Variants in SAXO1 observed in about 807,000 individuals in gnomAD.
SAXO1 encodes stabilizer of axonemal microtubules 1.
In SAXO1, 21 loss-of-function variants were observed where a neutral mutation model predicts 17.5. That is an observed-to-expected ratio of 1.20 (90% CI 0.85 to 1.72). SAXO1 has a LOEUF of 1.72. SAXO1 is among the 40% of genes most tolerant of loss of function. The pLI, the probability that SAXO1 is intolerant of heterozygous loss-of-function variation, is 0.00. For synonymous variants in SAXO1, 274 were observed against 216.5 expected (o/e 1.27, Z -2.33); for missense variants, 843 against 596.0 (o/e 1.41, Z -4.32).
At chr9:19,043,175 A>C (rs1836118930) in intron 1 of SAXO1, among the ~76,000 whole-genome samples, 1 of 152,112 alleles carries the variant, frequency 6.6e-6, no homozygotes, top group Non-Finnish European at 1.5e-5. Flanking sequence ...CTGTCCCCCC[A>C]AAAAAGAAAA....
chr9:18,982,578 C>T (rs1588476992), intron 1 of SAXO1, among the ~76,000 whole-genome samples: 1 of 152,200 alleles, frequency 6.6e-6, no homozygotes, highest in Non-Finnish European at 1.5e-5. Context: ...TCTGAGCAAA[C>T]CTTTCCTTCT....
At chr9:18,937,579 C>T (rs956775193) in intron 3 of SAXO1, among the ~76,000 whole-genome samples, 1 of 152,120 alleles carries the variant, frequency 6.6e-6, no homozygotes, top group African/African-American at 2.4e-5. Context: ...ATCCCCAATA[C>T]GGTGGTATTG....
intron 3 of SAXO1, among the ~76,000 whole-genome samples, chr9:18,929,528 G>T (rs796457290): frequency 7.9e-5 from 12 of 152,328 alleles, no homozygotes; most frequent in African/African-American, 2.6e-4. Flanking sequence ...GTCGTCTGTG[G>T]AGTGACAGCC....
At chr9:18,971,978 C>T (rs1006011855) in intron 1 of SAXO1, among the ~76,000 whole-genome samples, 19 of 152,162 alleles carry the variant, frequency 1.2e-4, no homozygotes, top group African/African-American at 4.3e-4. Context: ...TGTTACTTGA[C>T]AAAACAAGAA....
intron 1 of SAXO1, among the ~76,000 whole-genome samples, chr9:18,983,449 T>TG (rs772990836): frequency 6.6e-6 from 1 of 152,190 alleles, no homozygotes; most frequent in Non-Finnish European, 1.5e-5. Flanking sequence ...GAGATTTAGG[T>TG]GGGGACACAG....
At chr9:18,978,654 T>C (rs1441484491) in intron 1 of SAXO1, among the ~76,000 whole-genome samples, 2 of 152,252 alleles carry the variant, frequency 1.3e-5, no homozygotes, top group African/African-American at 4.8e-5. Flanking sequence ...TAATTGCCCG[T>C]TATTGCATTT....
intron 1 of SAXO1, among the ~76,000 whole-genome samples, chr9:19,012,424 C>T (rs545200940): frequency 6.6e-6 from 1 of 152,230 alleles, no homozygotes; most frequent in Admixed American, 6.5e-5. Context: ...TAATAGACAA[C>T]TGTAAATAGG....
intron 3 of SAXO1, among the ~76,000 whole-genome samples, chr9:18,940,299 G>C (rs1831499334): frequency 1.3e-5 from 2 of 152,218 alleles, no homozygotes; most frequent in South Asian, 2.1e-4. Flanking sequence ...CAGAATATTA[G>C]TCAGTTCTTG....
chr9:19,028,011 G>A (rs1194046051), intron 1 of SAXO1: 3 of 1,606,310 alleles, frequency 1.9e-6, no homozygotes, highest in African/African-American at 1.3e-5. Flanking sequence ...GCAAGGCTGT[G>A]TCTGTGGAGG....
chr9:18,928,977 A>C lies in SAXO1; in HGVS notation c.500T>G (p.Phe167Cys), dbSNP rs770041391. 38 of 1,613,934 alleles carry C rather than the reference A, an allele frequency of 2.4e-5. No homozygotes were observed. Among genetic ancestry groups the C allele is most frequent in the Non-Finnish European group, 3.0e-5 (35 of 1,180,044 alleles). The change falls in exon 4 of 4, where the codon TTT becomes TGT. Residue 167 changes from phenylalanine (F) to cysteine (C), a missense_variant. Coordinates refer to ENST00000380534, the MANE Select transcript of SAXO1 (RefSeq NM_153707.4). ...EHKYQPASVR[F>C]DNRTTHQDDY... ...GTCCTGGTGTGTGGTTCTGTTATCAAACCTGACTGATGCCGGCTGGTATTT... is the reference window on the plus strand; with the variant it reads ...GTCCTGGTGTGTGGTTCTGTTATCACACCTGACTGATGCCGGCTGGTATTT...
At chr9:18,990,642 C>G (rs1212834106) in intron 1 of SAXO1, among the ~76,000 whole-genome samples, 2 of 152,122 alleles carry the variant, frequency 1.3e-5, no homozygotes, top group African/African-American at 4.8e-5. Context: ...GGCTGCACAG[C>G]AGAAGGTGAG....
chr9:18,964,447 A>G (rs1453485745), intron 1 of SAXO1, among the ~76,000 whole-genome samples: 1 of 152,166 alleles, frequency 6.6e-6, no homozygotes, highest in Non-Finnish European at 1.5e-5. Flanking sequence ...CCTCAATTTC[A>G]GAACTTGTTA....
chr9:18,977,574 G>C (rs545638995), intron 1 of SAXO1, among the ~76,000 whole-genome samples: 3 of 152,210 alleles, frequency 2.0e-5, no homozygotes, highest in African/African-American at 7.2e-5. Flanking sequence ...GTTCATGTTT[G>C]TTTTCCACTA....
chr9:19,046,617 G>A (rs757621283), intron 1 of SAXO1, among the ~76,000 whole-genome samples: 11 of 151,610 alleles, frequency 7.3e-5, no homozygotes, highest in Admixed American at 2.6e-4. Context: ...CAGAAGGATC[G>A]CTTGAACCCG....
At chr9:19,045,316 CAAAAAAAAAAAAAAAAAAAA>C (rs575855900) in intron 1 of SAXO1, among the ~76,000 whole-genome samples, 1 of 89,308 alleles carries the variant, frequency 1.1e-5, no homozygotes, top group Non-Finnish European at 2.2e-5. Context: ...GACTCCGTCT[CAAAAAAAAAAAAAAAAAAAA>C]AAAAAAAAAA....
intron 1 of SAXO1, among the ~76,000 whole-genome samples, chr9:19,002,527 A>G (rs1834319215): frequency 6.6e-6 from 1 of 152,226 alleles, no homozygotes; most frequent in Non-Finnish European, 1.5e-5. Flanking sequence ...CCAGCAGCAC[A>G]TCAAATGCTT....
chr9:19,027,229 G>A (rs1259698160), intron 1 of SAXO1: 27 of 1,156,366 alleles, frequency 2.3e-5, no homozygotes, highest in South Asian at 3.7e-5. Flanking sequence ...ACCTCTACAC[G>A]ACAGACATAC....
At chr9:19,033,435 C>T (rs973494601), upstream of SAXO1, among the ~76,000 whole-genome samples, 2 of 152,244 alleles carry the variant, frequency 1.3e-5, no homozygotes, top group African/African-American at 4.8e-5. Context: ...TAAACGGTCA[C>T]ACGTGCAGAA....
At chr9:18,956,824 A>T (rs1333369686) in intron 1 of SAXO1, among the ~76,000 whole-genome samples, 5 of 152,236 alleles carry the variant, frequency 3.3e-5, no homozygotes. Flanking sequence ...AGTGTTTTAT[A>T]TATTATTGCA....
Sources: gnomAD v4.1 joint callset for allele counts (sites outside exome capture counted in the v4.1 genomes callset) on GRCh38, gnomAD v4.1.1 for gene constraint, MANE v1.5 for transcripts, NCBI Gene and HGNC (gene_info 2026-07-23, HGNC 2026-07-21) for gene names.